Variants in RASSF8 observed in about 807,000 individuals in gnomAD.
The protein encoded by RASSF8 is Ras association domain family member 8.
A neutral mutation model predicts 48.5 loss-of-function variants in RASSF8; 22 were observed. That is an observed-to-expected ratio of 0.45 (90% confidence interval 0.32 to 0.65). RASSF8 has a LOEUF of 0.65. Ranked by LOEUF, RASSF8 falls within the 30% of genes least tolerant of loss-of-function variation. The probability of loss-of-function intolerance (pLI) is 0.03; values close to 1 mark genes in which losing one functional copy is unlikely to be tolerated. For synonymous variants in RASSF8, 127 were observed against 171.5 expected (o/e 0.74, Z 2.03); for missense variants, 418 against 489.2 (o/e 0.85, Z 1.37).
chr12:25,980,204 C>T (rs16929817), intron 1 of RASSF8, among the ~76,000 whole-genome samples: 9,989 of 152,202 alleles, frequency 0.066, 713 homozygotes, highest in East Asian at 0.27. Flanking sequence ...AACCCACAAA[C>T]GAGAACTTTC....
chr12:26,036,393 T>C (rs1943151201), intron 2 of RASSF8, among the ~76,000 whole-genome samples: 2 of 152,160 alleles, frequency 1.3e-5, no homozygotes, highest in African/African-American at 2.4e-5. Context: ...TAGAAAAGCA[T>C]TTAACAAAAA....
chr12:26,025,284 G>A (rs1402652620), intron 2 of RASSF8, among the ~76,000 whole-genome samples: 3 of 152,122 alleles, frequency 2.0e-5, no homozygotes, highest in East Asian at 1.9e-4. Context: ...AGGGCCAGGC[G>A]TGGTGGCTCA....
chr12:26,002,095 T>C (rs1030679193), intron 2 of RASSF8, among the ~76,000 whole-genome samples: 1 of 152,244 alleles, frequency 6.6e-6, no homozygotes, highest in Non-Finnish European at 1.5e-5. Flanking sequence ...AACATTGTTA[T>C]GTAGAGCATG....
chr12:26,005,547 T>A lies in RASSF8; in HGVS notation c.-109+10417T>A, dbSNP rs191744885. 2.6e-5 allele frequency among the ~76,000 whole-genome samples: 4 copies of A among 152,068 alleles called. No homozygotes were observed. The East Asian group carries it at 5.8e-4, about 22-fold the overall frequency. ...TAAGACAAGGTTAGAATATAAAATCTTTTTTTTGGTTGTTGTTTTTAAGCT... is the reference window on the plus strand; with the variant it reads ...TAAGACAAGGTTAGAATATAAAATCATTTTTTTGGTTGTTGTTTTTAAGCT... On this transcript the variant is annotated intron_variant, in intron 2 of 5. Coordinates refer to ENST00000689635, the MANE Select transcript of RASSF8 (RefSeq NM_001394098.1).
intron 2 of RASSF8, among the ~76,000 whole-genome samples, chr12:26,047,022 G>A (rs113768031): frequency 6.6e-6 from 1 of 152,326 alleles, no homozygotes; most frequent in African/African-American, 2.4e-5. Flanking sequence ...GACTTTGAGA[G>A]TGTGGTCTCT....
At chr12:26,043,012 ACT>A (rs2137168446) in intron 2 of RASSF8, among the ~76,000 whole-genome samples, 2 of 151,986 alleles carry the variant, frequency 1.3e-5, no homozygotes, top group East Asian at 1.9e-4. Context: ...TTAAGCATAA[ACT>A]CTGTTTGTTT....
chr12:25,981,966 C>CATGG (rs1287294949), intron 1 of RASSF8, among the ~76,000 whole-genome samples: 1 of 152,164 alleles, frequency 6.6e-6, no homozygotes, highest in Non-Finnish European at 1.5e-5. Flanking sequence ...TAATCGTCCT[C>CATGG]AAATGATACT....
intron 2 of RASSF8, chr12:26,052,823 T>TG (rs1384038832): frequency 6.6e-6 from 1 of 152,246 alleles, no homozygotes; most frequent in Non-Finnish European, 1.5e-5. Context: ...CTGATTGCCC[T>TG]GGCCTGAATT....
intron 3 of RASSF8, among the ~76,000 whole-genome samples, chr12:26,059,992 G>A (rs748674417): frequency 1.7e-4 from 26 of 152,136 alleles, no homozygotes; most frequent in Non-Finnish European, 2.9e-4. Context: ...CCGCCTCCCA[G>A]GTTCACACCA....
chr12:25,993,474 T>G (rs910777838), intron 1 of RASSF8, among the ~76,000 whole-genome samples: 1 of 152,188 alleles, frequency 6.6e-6, no homozygotes, highest in Non-Finnish European at 1.5e-5. Context: ...AGGAAGAGAT[T>G]TTGATTTAGG....
chr12:25,969,781 T>C (rs1026137186), intron 1 of RASSF8, among the ~76,000 whole-genome samples: 1 of 152,124 alleles, frequency 6.6e-6, no homozygotes, highest in African/African-American at 2.4e-5. Context: ...GGTGCATGTT[T>C]TGGTTGTTGC....
At chr12:25,964,377 A>T (rs1272539400) in intron 1 of RASSF8, among the ~76,000 whole-genome samples, 1 of 152,120 alleles carries the variant, frequency 6.6e-6, no homozygotes. Flanking sequence ...TATGCAGCAA[A>T]ATATTTTCTT....
Position 26,065,459 on chromosome 12 carries a change from A to G in RASSF8, c.993+72A>G, listed in dbSNP as rs1233811995. On this transcript the variant is annotated intron_variant, in intron 4 of 5. Coordinates refer to ENST00000689635, the MANE Select transcript of RASSF8 (RefSeq NM_001394098.1). ...ATCTTCTTGGAATCTCCTTTTCATC[A>G]TTGTCAATTTTTCCTTATATTCAAA... 1.1e-5 allele frequency: 16 copies of G among 1,479,242 alleles called. No homozygotes were observed. The African/African-American group carries it at 1.1e-4, about 10-fold the overall frequency. The allele number at this position is 1,479,242 out of a possible 1,614,324, so 91.6% of individuals were successfully genotyped here. A position where few individuals can be genotyped will look rare whatever the true frequency, so the allele number is the denominator to read the frequency against.
chr12:25,970,853 A>G (rs1455603005), intron 1 of RASSF8, among the ~76,000 whole-genome samples: 1 of 152,218 alleles, frequency 6.6e-6, no homozygotes, highest in African/African-American at 2.4e-5. Context: ...TGAACATGCT[A>G]TTTGATGACA....
chr12:25,997,701 A>C (rs1252324798), intron 2 of RASSF8, among the ~76,000 whole-genome samples: 1 of 152,164 alleles, frequency 6.6e-6, no homozygotes, highest in Non-Finnish European at 1.5e-5. Context: ...TCTGTAATTT[A>C]AGTTGTCATA....
intron 1 of RASSF8, among the ~76,000 whole-genome samples, chr12:25,984,374 G>A (rs12227689): frequency 0.066 from 9,960 of 151,812 alleles, 711 homozygotes; most frequent in East Asian, 0.27. Context: ...ATGGAGTTCT[G>A]CTCTGTCACC....
At position 26,072,040 on chromosome 12, in the gene RASSF8, C is replaced by T. The variant is rs1944010204; in HGVS notation, c.*3222C>T. ...ACTGTAATGGATTGAGGAAATAACA[C>T]AGAAAAGACAAAAACTTTTGATTTC... On this transcript the variant is annotated 3_prime_UTR_variant, in exon 6 of 6. Transcript: ENST00000689635. 1.0e-6 allele frequency: 1 copy of T among 985,210 alleles called. No individual in the cohort carries two copies. The highest frequency in any genetic ancestry group is 1.2e-6 in the Non-Finnish European group (1 of 829,868). 61.0% of individuals were successfully genotyped at this position (985,210 alleles called of 1,614,324 possible).
chr12:26,035,726 T>A, intron 2 of RASSF8, among the ~76,000 whole-genome samples: 1 of 145,326 alleles, frequency 6.9e-6, no homozygotes, highest in East Asian at 2.0e-4. Flanking sequence ...TGTGAAGTTC[T>A]TCCATTTCTA....
At chr12:26,036,439 ATATT>A (rs1943152133) in intron 2 of RASSF8, among the ~76,000 whole-genome samples, 3 of 152,090 alleles carry the variant, frequency 2.0e-5, no homozygotes, top group Admixed American at 2.0e-4. Flanking sequence ...ACTTATTTCA[ATATT>A]TATTATTTTT....
Sources: gnomAD v4.1 joint callset for allele counts (sites outside exome capture counted in the v4.1 genomes callset) on GRCh38, gnomAD v4.1.1 for gene constraint, MANE v1.5 for transcripts, NCBI Gene and HGNC (gene_info 2026-07-23, HGNC 2026-07-21) for gene names.